Variants in PIK3R3 observed in about 807,000 individuals in gnomAD.
The protein encoded by PIK3R3 is phosphatidylinositol 3-kinase regulatory subunit gamma.
In PIK3R3, 64 loss-of-function variants were observed where a neutral mutation model predicts 62.9. That is an observed-to-expected ratio of 1.02 (90% CI 0.83 to 1.25). The LOEUF (loss-of-function observed/expected upper bound fraction) is 1.25, where lower values mean the gene tolerates loss of function less well. PIK3R3 is among the 50% of genes most tolerant of loss of function. PIK3R3 has a pLI of 0.00. For synonymous variants in PIK3R3, 165 were observed against 189.0 expected (o/e 0.87, Z 1.04); for missense variants, 614 against 561.6 (o/e 1.09, Z -0.94).
chr1:46,057,295 TA>T (rs1648018114), intron 6 of PIK3R3: 1 of 152,374 alleles, frequency 6.6e-6, no homozygotes, highest in Non-Finnish European at 1.5e-5. Flanking sequence ...TAAGCCTAAT[TA>T]AGCCTCTTCC....
intron 1 of PIK3R3, among the ~76,000 whole-genome samples, chr1:46,118,592 G>A (rs1208902713): frequency 3.1e-5 from 4 of 127,220 alleles, no homozygotes; most frequent in Non-Finnish European, 6.4e-5. Flanking sequence ...GTCTCCCTCT[G>A]CCACCCAGGC....
chr1:46,103,811 G>T (rs1182399422), intron 1 of PIK3R3, among the ~76,000 whole-genome samples: 1 of 151,920 alleles, frequency 6.6e-6, no homozygotes, highest in Admixed American at 6.6e-5. Context: ...GGCCAGGCTG[G>T]TCTCAAACTC....
chr1:46,051,108 T>C (rs1557554448), intron 7 of PIK3R3, among the ~76,000 whole-genome samples: 1 of 152,136 alleles, frequency 6.6e-6, no homozygotes, highest in Non-Finnish European at 1.5e-5. Context: ...GAAAATGTTC[T>C]AAAATATGTG....
chr1:46,140,082 G>A, the PIK3R3 span, among the ~76,000 whole-genome samples: 849 of 152,202 alleles, frequency 5.6e-3, 12 homozygotes, highest in African/African-American at 0.019. Flanking sequence ...TTGACCTCCT[G>A]GGCTCAAGCA....
At chr1:46,171,016 A>G in the PIK3R3 span, among the ~76,000 whole-genome samples, 1 of 152,234 alleles carries the variant, frequency 6.6e-6, no homozygotes, top group Non-Finnish European at 1.5e-5. Flanking sequence ...CTAGAATTTC[A>G]TGATTTTTTA....
chr1:46,073,712 C>T (rs1295929169), intron 3 of PIK3R3, among the ~76,000 whole-genome samples: 1 of 152,018 alleles, frequency 6.6e-6, no homozygotes, highest in Non-Finnish European at 1.5e-5. Flanking sequence ...CTCCACCTCC[C>T]AGGTTCAAGC....
At position 46,043,700 on chromosome 1, in the gene PIK3R3, A is replaced by G; in HGVS notation, c.1359T>C (p.His453=). The G allele has an allele frequency of 6.2e-7, 1 of 1,614,242 alleles. No individual in the cohort carries two copies. The highest frequency in any genetic ancestry group is 1.1e-5 in the South Asian group (1 of 91,092). The change falls in exon 10 of 10, where the codon CAT becomes CAC. Residue 453 remains histidine (H), a synonymous_variant. Coordinates refer to ENST00000262741, the MANE Select transcript of PIK3R3 (RefSeq NM_003629.4). ...ATCTGCAAAGCGAGGGCATCTGTGC[A>G]TGAACAGGGTAGGCAAGCCTGACGT... ...SLNVRLAYPV[H]AQMPSLCR
Position 46,044,623 on chromosome 1 carries a change from C to T in PIK3R3, c.1188-752G>A, listed in dbSNP as rs892026018. 2.2e-4 allele frequency among the ~76,000 whole-genome samples: 34 copies of T among 152,164 alleles called. No individual in the cohort carries two copies. Among genetic ancestry groups the T allele is most frequent in the African/African-American group, 7.7e-4 (32 of 41,432 alleles). Reference sequence around the variant, plus strand: ...AGTTCTATCCTTGGATAACAGTAATCCAATGCACTTTTCAACTCCTCCCCC... The same window carrying T: ...AGTTCTATCCTTGGATAACAGTAATTCAATGCACTTTTCAACTCCTCCCCC... On this transcript the variant is annotated intron_variant, in intron 9 of 9. Transcript: ENST00000262741. This position sits in a 1 kb window ranked among gnomAD's most constrained non-coding sequence, Gnocchi z 4.2.
chr1:46,142,377 G>A, the PIK3R3 span, among the ~76,000 whole-genome samples: 1 of 152,304 alleles, frequency 6.6e-6, no homozygotes, highest in South Asian at 2.1e-4. Flanking sequence ...CCCCAGAGGA[G>A]AGCACATCGC....
In PIK3R3 at chr1:46,044,553, A is replaced by G. The variant is rs762540844; in HGVS notation, c.1188-682T>C. On this transcript the variant is annotated intron_variant, in intron 9 of 9. Coordinates refer to ENST00000262741, the MANE Select transcript of PIK3R3 (RefSeq NM_003629.4). The surrounding 1 kb of genome is among the most constrained non-coding windows in gnomAD (Gnocchi z 4.2). ...CATTCTCGCCTACATTTCCACTCAG[A>G]TAACTTCAACAGCCCAAGTCAAGGA... is the stretch of plus-strand genomic sequence containing the variant. Among the ~76,000 whole-genome samples the G allele has an allele frequency of 1.3e-5, 2 of 152,308 alleles. No individual in the cohort carries two copies. Among genetic ancestry groups the G allele is most frequent in the South Asian group, 2.1e-4 (1 of 4,820 alleles).
intron 1 of PIK3R3, among the ~76,000 whole-genome samples, chr1:46,111,988 T>C (rs969715117): frequency 2.6e-5 from 4 of 152,188 alleles, no homozygotes; most frequent in Admixed American, 2.6e-4. Flanking sequence ...AGTTGTTTTC[T>C]CTATAATATT....
At chr1:46,164,173 G>A in the PIK3R3 span, among the ~76,000 whole-genome samples, 1 of 152,138 alleles carries the variant, frequency 6.6e-6, no homozygotes, top group Non-Finnish European at 1.5e-5. Flanking sequence ...TGTGGTCATA[G>A]GCATGTCCAA....
chr1:46,132,599 C>G lies in PIK3R3; in HGVS notation c.-647G>C, dbSNP rs1655718960. ...TCCCGCCGGGGTGTAAGAACCAACC[C>G]GACCGCACCAACTGCCCTCAAGCTC... On this transcript the variant is annotated 5_prime_UTR_variant, in exon 1 of 10. Coordinates refer to ENST00000262741, the MANE Select transcript of PIK3R3 (RefSeq NM_003629.4). 22 of 1,288,970 alleles carry G rather than the reference C, an allele frequency of 1.7e-5. No individual in the cohort carries two copies. The highest frequency in any genetic ancestry group is 1.6e-4 in the South Asian group (13 of 81,008). The allele number at this position is 1,288,970 out of a possible 1,614,324, so 79.8% of individuals were successfully genotyped here.
chr1:46,155,921 G>C, the PIK3R3 span, among the ~76,000 whole-genome samples: 1 of 152,080 alleles, frequency 6.6e-6, no homozygotes, highest in Admixed American at 6.6e-5. Context: ...GTCTGTGGAG[G>C]CCTGGCAGAT....
At chr1:46,133,094 C>G, upstream of PIK3R3, 3 of 957,802 alleles carry the variant, frequency 3.1e-6, no homozygotes, top group South Asian at 4.3e-5. Flanking sequence ...GAGCGGGAGA[C>G]GGCTGCGCGC....
chr1:46,169,500 A>T, the PIK3R3 span, among the ~76,000 whole-genome samples: 1 of 152,172 alleles, frequency 6.6e-6, no homozygotes, highest in Non-Finnish European at 1.5e-5. Context: ...CTCTGGACAA[A>T]AGCAGGAATA....
At chr1:46,111,292 G>A (rs992478031) in intron 1 of PIK3R3, among the ~76,000 whole-genome samples, 4 of 152,006 alleles carry the variant, frequency 2.6e-5, no homozygotes, top group Non-Finnish European at 5.9e-5. Context: ...TAGTTGGTAA[G>A]CAGACCAAAT....
At chr1:46,110,870 GTTTT>G (rs35534130) in intron 1 of PIK3R3, among the ~76,000 whole-genome samples, 1 of 146,956 alleles carries the variant, frequency 6.8e-6, no homozygotes, top group Non-Finnish European at 1.5e-5. Context: ...GAAAAAGTTG[GTTTT>G]TTTTTTTTAA....
rs144673834 is a variant in PIK3R3 at position 46,069,696 on chromosome 1, T to C, written c.315-2605A>G. On this transcript the variant is annotated intron_variant, in intron 3 of 9. Transcript: ENST00000262741. ...AATTCAGGAGTTACCAGCCGATGTA[T>C]GTTATTTGATGGTGAGCATAGCTGG... 1.3e-4 allele frequency among the ~76,000 whole-genome samples: 20 copies of C among 152,166 alleles called. No individual in the cohort carries two copies. In the East Asian group the frequency reaches 3.7e-3, roughly 28 times the overall value.
Sources: gnomAD v4.1 joint callset for allele counts (sites outside exome capture counted in the v4.1 genomes callset) on GRCh38, gnomAD v4.1.1 for gene constraint, Gnocchi (gnomAD v3.1) non-coding constraint, MANE v1.5 for transcripts, NCBI Gene and HGNC (gene_info 2026-07-23, HGNC 2026-07-21) for gene names.